CFAP47: variants seen among roughly 807,000 people sequenced by gnomAD.
The protein encoded by CFAP47 is cilia- and flagella-associated protein 47.
Under a neutral mutation model 148.1 loss-of-function variants are expected in CFAP47, and 29 were observed. The observed-to-expected ratio is 0.20, with a 90% CI of 0.15 to 0.27. The LOEUF (loss-of-function observed/expected upper bound fraction) is 0.27, where lower values mean the gene tolerates loss of function less well. CFAP47 is among the 10% of genes least tolerant of loss of function. The probability of loss-of-function intolerance (pLI) is 1.00; values close to 1 mark genes in which losing one functional copy is unlikely to be tolerated. For missense variants in CFAP47, 1,872 were observed against 1,697.5 expected, an observed-to-expected ratio of 1.10 and a Z score of -1.81; for synonymous variants, 664 against 577.3, an observed-to-expected ratio of 1.15 and a Z score of -2.15.
chrX:36,171,356 A>G (rs1939576064), intron 39 of CFAP47, among the ~76,000 whole-genome samples: 1 of 110,897 alleles, frequency 9.0e-6, no homozygotes, highest in Non-Finnish European at 1.9e-5. Context: ...GGTGTTTTAG[A>G]CATGAAGTCC....
chrX:36,138,163 C>A, intron 34 of CFAP47, 108 bp downstream of exon 34: 1 of 526,737 alleles, frequency 1.9e-6, no homozygotes, highest in Non-Finnish European at 2.9e-6. Context: ...GTCTTACATT[C>A]AAGTCAAACA....
intron 8 of CFAP47, among the ~76,000 whole-genome samples, chrX:35,963,764 C>T (rs867662796): frequency 9.9e-5 from 11 of 110,747 alleles, no homozygotes; most frequent in African/African-American, 2.3e-4. Context: ...AGTGACTGCC[C>T]TTTGGGTTAC....
chrX:36,371,635 T>TAC (rs58423685), intron 62 of CFAP47, among the ~76,000 whole-genome samples: 1 of 82,348 alleles, frequency 1.2e-5, no homozygotes, highest in African/African-American at 4.1e-5. Flanking sequence ...TATGTGTATA[T>TAC]ACACACATAT....
rs144751441 is a variant in CFAP47 at position 36,015,100 on chromosome X, G to A, written c.3556+188G>A. Among the ~76,000 whole-genome samples, 601 of 110,199 alleles carry A rather than the reference G, an allele frequency of 5.5e-3. 6 individuals carry two copies. The highest frequency in any genetic ancestry group is 0.019 in the African/African-American group (573 of 30,508). On this transcript the variant is annotated intron_variant, in intron 22 of 63. Transcript: ENST00000378653. ...TGAGATTTGAGTGTTGACAAACAGCGCAGATATAATCTCTGGCAAGCAACT... is the reference window on the plus strand; with the variant it reads ...TGAGATTTGAGTGTTGACAAACAGCACAGATATAATCTCTGGCAAGCAACT...
intron 3 of CFAP47, among the ~76,000 whole-genome samples, chrX:35,941,704 TA>T (rs1477455693): frequency 9.0e-6 from 1 of 111,369 alleles, no homozygotes; most frequent in East Asian, 2.8e-4. Context: ...CACAGCGCCT[TA>T]TTAGTTGTGT....
intron 3 of CFAP47, among the ~76,000 whole-genome samples, chrX:35,947,667 A>T (rs1023576151): frequency 9.1e-6 from 1 of 110,160 alleles, no homozygotes; most frequent in African/African-American, 3.3e-5. Flanking sequence ...GGGTAAAGAT[A>T]CGAATGTGGA....
chrX:36,383,788 T>G (rs1942101477), intron 63 of CFAP47, among the ~76,000 whole-genome samples: 1 of 110,040 alleles, frequency 9.1e-6, no homozygotes, highest in South Asian at 3.8e-4. Context: ...CGTTGCAATA[T>G]TCACTTTGTC....
rs763618927 is a variant in CFAP47, at chrX:36,003,477, G to A, written c.3417+1770G>A. Among the ~76,000 whole-genome samples the A allele has an allele frequency of 3.3e-3, 355 of 108,846 alleles. 4 individuals carry two copies. The highest frequency in any genetic ancestry group is 0.012 in the African/African-American group (349 of 29,914). The allele number at this position is 108,846 out of a possible 115,157, so 94.5% of individuals were successfully genotyped here. A position where few individuals can be genotyped will look rare whatever the true frequency, so the allele number is the denominator to read the frequency against. ...GCTTCTTAGAATGAATTATAGAGTG[G>A]TGTCTCCACTTCTATTTTGGCAGAA... is the stretch of plus-strand genomic sequence containing the variant. On this transcript the variant is annotated intron_variant, in intron 21 of 63. Transcript: ENST00000378653.
chrX:36,016,355 G>T (rs777813451), intron 22 of CFAP47, among the ~76,000 whole-genome samples: 1 of 110,085 alleles, frequency 9.1e-6, no homozygotes, highest in Non-Finnish European at 1.9e-5. Flanking sequence ...CTGTCTCCAT[G>T]AGTTCAATCA....
At chrX:36,286,219 T>C (rs73199357) in intron 51 of CFAP47, among the ~76,000 whole-genome samples, 6,394 of 111,380 alleles carry the variant, frequency 0.057, 159 homozygotes, top group Middle Eastern at 0.13. Context: ...TTTAATAAAG[T>C]TAAATATTAA....
intron 49 of CFAP47, among the ~76,000 whole-genome samples, chrX:36,270,813 G>A (rs5973628): frequency 0.044 from 4,716 of 107,974 alleles, 305 homozygotes; most frequent in African/African-American, 0.15. Context: ...TCCCCAGTCT[G>A]CAACTTGCCT....
At chrX:35,940,422 GT>G (rs1207535070) in intron 2 of CFAP47, among the ~76,000 whole-genome samples, 1 of 111,056 alleles carries the variant, frequency 9.0e-6, no homozygotes, top group African/African-American at 3.3e-5. Flanking sequence ...GGTTTTTATG[GT>G]TTTAGGTCTA....
At chrX:35,980,292 T>C (rs183314575) in intron 15 of CFAP47, among the ~76,000 whole-genome samples, 1 of 112,198 alleles carries the variant, frequency 8.9e-6, no homozygotes, top group East Asian at 2.8e-4. Context: ...AATATATAAC[T>C]GTGCTCATTG....
At chrX:36,236,230 A>C (rs1940463546) in intron 47 of CFAP47, among the ~76,000 whole-genome samples, 153 bp downstream of exon 47, 1 of 112,445 alleles carries the variant, frequency 8.9e-6, no homozygotes, top group Admixed American at 9.4e-5. Flanking sequence ...TTAAAACTTT[A>C]ATACATGTTT....
chrX:36,167,900 G>C (rs4829402), intron 39 of CFAP47, among the ~76,000 whole-genome samples: 1 of 111,092 alleles, frequency 9.0e-6, no homozygotes, highest in South Asian at 3.8e-4. Flanking sequence ...TGTTTTTTTG[G>C]GTTTCCTTGT....
At chrX:36,081,829 A>G (rs1937988678) in intron 29 of CFAP47, among the ~76,000 whole-genome samples, 1 of 111,512 alleles carries the variant, frequency 9.0e-6, no homozygotes, top group Admixed American at 9.6e-5. Flanking sequence ...GTCACCAGCA[A>G]AGGAACATAC....
rs1298196127 is a variant in CFAP47, at chrX:36,231,300, T to G, written c.7014+2476T>G. On this transcript the variant is annotated intron_variant, in intron 46 of 63. Coordinates refer to ENST00000378653, the MANE Select transcript of CFAP47 (RefSeq NM_001304548.2). Reference sequence around the variant, plus strand: ...TCTTTTATTTCCTTGAGCAGTGGTTTGTAGTTCTCCTTGAAGAGGTCCTTC... The same window carrying G: ...TCTTTTATTTCCTTGAGCAGTGGTTGGTAGTTCTCCTTGAAGAGGTCCTTC... 9.4e-5 allele frequency among the ~76,000 whole-genome samples: 10 copies of G among 106,156 alleles called. No individual in the cohort carries two copies. The Admixed American group carries it at 1.0e-3, about 11-fold the overall frequency. The allele number at this position is 106,156 out of a possible 115,157, so 92.2% of individuals were successfully genotyped here.
chrX:36,246,272 A>G (rs906875475), intron 48 of CFAP47, among the ~76,000 whole-genome samples: 2 of 111,899 alleles, frequency 1.8e-5, no homozygotes, highest in Admixed American at 9.5e-5. Context: ...ACCCTTCTGA[A>G]AAGAAGACAT....
intron 21 of CFAP47, among the ~76,000 whole-genome samples, chrX:36,009,875 T>A (rs903321672): frequency 8.9e-6 from 1 of 111,753 alleles, no homozygotes; most frequent in African/African-American, 3.3e-5. Context: ...TAGATATATG[T>A]ACCTCTGAAC....
Sources: gnomAD v4.1 joint callset for allele counts (sites outside exome capture counted in the v4.1 genomes callset) on GRCh38, gnomAD v4.1.1 for gene constraint, MANE v1.5 for transcripts, NCBI Gene and HGNC (gene_info 2026-07-23, HGNC 2026-07-21) for gene names.